Variants in NLRP2 observed in about 807,000 individuals in gnomAD.
NLRP2 encodes the protein NACHT, LRR and PYD domains-containing protein 2.
NLRP2 carries 107 observed loss-of-function variants against 97.2 expected under a neutral mutation model. The observed-to-expected ratio is 1.10, with a 90% CI of 0.94 to 1.29. The LOEUF (loss-of-function observed/expected upper bound fraction) is 1.29, where lower values mean the gene tolerates loss of function less well. NLRP2 is among the 50% of genes most tolerant of loss of function. The probability of loss-of-function intolerance (pLI) is 0.00; values close to 1 mark genes in which losing one functional copy is unlikely to be tolerated. For synonymous variants in NLRP2, 663 were observed against 551.5 expected (o/e 1.20, Z -2.83); for missense variants, 1,495 against 1,330.3 (o/e 1.12, Z -1.93).
At chr19:54,974,819 A>T (rs1245173951) in intron 3 of NLRP2, among the ~76,000 whole-genome samples, 1 of 152,094 alleles carries the variant, frequency 6.6e-6, no homozygotes. Context: ...TTCTTTTTTG[A>T]GATGGAGGCT....
rs138512737 is a variant in NLRP2, at chr19:54,989,150, G to A, written c.2367-872G>A. ...CTTTTGTATGTTTAGTAGAGCCGGGGTTTCACCATGTTGGCCAGGATGGTC... is the reference window on the plus strand; with the variant it reads ...CTTTTGTATGTTTAGTAGAGCCGGGATTTCACCATGTTGGCCAGGATGGTC... On this transcript the variant is annotated intron_variant, in intron 8 of 12. Coordinates refer to ENST00000448584, the MANE Select transcript of NLRP2 (RefSeq NM_017852.5). Among the ~76,000 whole-genome samples, 1,214 of 151,894 alleles carry A rather than the reference G, an allele frequency of 8.0e-3. 22 individuals carry two copies. The highest frequency in any genetic ancestry group is 0.027 in the African/African-American group (1,129 of 41,462).
At chr19:54,971,508 G>A (rs368860027) in intron 2 of NLRP2, among the ~76,000 whole-genome samples, 6 of 151,560 alleles carry the variant, frequency 4.0e-5, no homozygotes, top group East Asian at 1.9e-4. Context: ...TTTAATGATC[G>A]CCATTCTAAC....
Position 54,982,477 on chromosome 19 carries a change from A to G in NLRP2, c.779A>G (p.Glu260Gly). 1.9e-6 allele frequency: 3 copies of G among 1,614,166 alleles called. No individual in the cohort carries two copies. Among genetic ancestry groups the G allele is most frequent in the Non-Finnish European group, 2.5e-6 (3 of 1,180,040 alleles). Residue 260 changes from glutamate to glycine, a missense_variant, in exon 6 of 13, where the codon GAG becomes GGG. Glu to Gly is a moderately conservative substitution (Grantham distance 98, BLOSUM62 -2). Transcript: ENST00000448584. ...CGCCTGGGCCCGTGCAGTTTTGCAG[A>G]GCTGGTCTTCAGGGACTGGCCTGAA... ...LSRLGPCSFA[E>G]LVFRDWPELQ...
At position 54,970,139 on chromosome 19, in the gene NLRP2, A is replaced by T. The variant is rs759028823; in HGVS notation, c.124A>T (p.Ile42Phe). ...TFSLAHELQK[I>F]PHKEVDKADG... is the part of the protein sequence containing the mutation. ...CTCCCTGGCACACGAGCTCCAGAAG[A>T]TCCCCCACAAGGAGGTAGACAAGGC... Residue 42 changes from isoleucine (I) to phenylalanine (F), a missense_variant, in exon 2 of 13, where the codon ATC becomes TTC. By Grantham distance (21) the Ile-to-Phe change is conservative. Transcript: ENST00000448584. The T allele has an allele frequency of 1.1e-5, 17 of 1,614,090 alleles. No homozygotes were observed. The South Asian group carries it at 1.8e-4, about 17-fold the overall frequency.
rs1465817726 is a variant in NLRP2 at position 54,985,042 on chromosome 19, T to C, written c.2031-5T>C. ...TGGTGTAACCCTTTCTTCTCTTCCC[T>C]ATAGATCCCAGGATGATCAGCACAT... On this transcript the variant is annotated splice_region_variant and splice_polypyrimidine_tract_variant and intron_variant, in intron 6 of 12. Coordinates refer to ENST00000448584, the MANE Select transcript of NLRP2 (RefSeq NM_017852.5). 6.2e-7 allele frequency: 1 copy of C among 1,614,004 alleles called. No individual in the cohort carries two copies. The highest frequency in any genetic ancestry group is 2.2e-5 in the East Asian group (1 of 44,882).
chr19:54,968,738 C>G (rs1038159398), intron 1 of NLRP2, among the ~76,000 whole-genome samples: 1 of 112,070 alleles, frequency 8.9e-6, no homozygotes, highest in Non-Finnish European at 1.9e-5. Flanking sequence ...CTTGTCGCCC[C>G]AGGCTGGAGT....
At chr19:54,981,079 C>G (rs1196625682) in intron 4 of NLRP2, among the ~76,000 whole-genome samples, 12 of 152,162 alleles carry the variant, frequency 7.9e-5, no homozygotes, top group African/African-American at 2.9e-4. Flanking sequence ...CCACTGCACT[C>G]CAGCCTGGGC....
chr19:54,978,304 T>A (rs958526395), intron 4 of NLRP2, among the ~76,000 whole-genome samples: 3 of 150,910 alleles, frequency 2.0e-5, no homozygotes, highest in Non-Finnish European at 3.0e-5. Flanking sequence ...GCACCATCCC[T>A]GTTCACTGCA....
At chr19:54,974,269 G>A (rs113126546) in intron 2 of NLRP2, 15 of 597,990 alleles carry the variant, frequency 2.5e-5, no homozygotes, top group East Asian at 1.5e-4. Flanking sequence ...CAGGAGAATC[G>A]CTTGAACCTG....
Position 54,982,172 on chromosome 19 carries a change from T to C in NLRP2, c.474T>C (p.Asn158=), listed in dbSNP as rs541848746. The C allele has an allele frequency of 1.9e-6, 3 of 1,613,994 alleles. No homozygotes were observed. The East Asian group carries it at 6.7e-5, about 36-fold the overall frequency. ...TCACCAATGATAAAGACAAAGACAA[T>C]AGGTGCAGGTATATATTGAAGACGA... The part of the protein sequence containing the change: ...VFKGKKPDKD[N]RCRYILKTKF... Residue 158 remains asparagine, a synonymous_variant, in exon 6 of 13, where the codon AAT becomes AAC. Transcript: ENST00000448584.
At chr19:54,973,114 CAG>C (rs1253062690) in intron 2 of NLRP2, among the ~76,000 whole-genome samples, 4 of 151,614 alleles carry the variant, frequency 2.6e-5, no homozygotes, top group East Asian at 2.0e-4. Flanking sequence ...TTGCTTGAAC[CAG>C]AGAGTCAGAG....
intron 3 of NLRP2, chr19:54,976,812 C>CTCTTTTTTTTTTTTTTTTTTTTTT (rs1555768188): frequency 3.6e-6 from 1 of 280,754 alleles, no homozygotes; most frequent in African/African-American, 3.4e-5. Context: ...TGTTCTCTCT[C>CTCTTTTTTTTTTTTTTTTTTTTTT]TTTTTTTTTT....
At position 54,966,401 on chromosome 19, in the gene NLRP2, G is replaced by A. The variant is rs1004547909; in HGVS notation, c.-84G>A. 2.6e-5 allele frequency: 4 copies of A among 152,040 alleles called. No homozygotes were observed. Among genetic ancestry groups the A allele is most frequent in the South Asian group, 2.1e-4 (1 of 4,822 alleles). 9.4% of individuals were successfully genotyped at this position (152,040 alleles called of 1,614,324 possible). A position where few individuals can be genotyped will look rare whatever the true frequency, so the allele number is the denominator to read the frequency against. ...TCACAGGGCTGCGGCCGAGAGAGAA[G>A]CCTTATTAGAGCTTTCTCAACCTGC... On this transcript the variant is annotated 5_prime_UTR_variant, in exon 1 of 13. Transcript: ENST00000448584.
intron 3 of NLRP2, among the ~76,000 whole-genome samples, chr19:54,976,369 T>A (rs757590585): frequency 1.4e-4 from 21 of 151,696 alleles, no homozygotes; most frequent in South Asian, 6.2e-4. Context: ...AGACCTTTTT[T>A]GAGACAGAGT....
At chr19:54,997,844 G>A (rs1047121326) in intron 12 of NLRP2, among the ~76,000 whole-genome samples, 22 of 115,062 alleles carry the variant, frequency 1.9e-4, no homozygotes, top group Non-Finnish European at 2.7e-4. Context: ...CTGCAGGCTC[G>A]CTCCAGCTCC....
At chr19:54,980,132 CTATCA>C (rs2071479736) in intron 4 of NLRP2, among the ~76,000 whole-genome samples, 1 of 151,694 alleles carries the variant, frequency 6.6e-6, no homozygotes, top group African/African-American at 2.4e-5. Flanking sequence ...GGTGCCTGCT[CTATCA>C]TCATGCTTCA....
At chr19:54,975,527 C>T (rs1394873554) in intron 3 of NLRP2, among the ~76,000 whole-genome samples, 1 of 144,890 alleles carries the variant, frequency 6.9e-6, no homozygotes, top group Non-Finnish European at 1.5e-5. Flanking sequence ...TCTCGGCTCA[C>T]TGCAAGCTCC....
intron 1 of NLRP2, among the ~76,000 whole-genome samples, chr19:54,968,341 C>T (rs922790797): frequency 2.6e-5 from 4 of 151,740 alleles, no homozygotes; most frequent in African/African-American, 7.3e-5. Flanking sequence ...CCACCACCCC[C>T]AGTGTTGTGT....
intron 10 of NLRP2, chr19:54,991,197 C>T (rs2072453147): frequency 5.9e-6 from 1 of 169,366 alleles, no homozygotes; most frequent in South Asian, 1.5e-4. Flanking sequence ...CGCTCAGACT[C>T]CCAATGGAAG....
Sources: gnomAD v4.1 joint callset for allele counts (sites outside exome capture counted in the v4.1 genomes callset) on GRCh38, gnomAD v4.1.1 for gene constraint, MANE v1.5 for transcripts, NCBI Gene and HGNC (gene_info 2026-07-23, HGNC 2026-07-21) for gene names.